The following CTDSPL2 variants were observed in gnomAD, a reference collection of about 807,000 sequenced individuals.
CTDSPL2 encodes CTD small phosphatase-like protein 2.
CTDSPL2 carries 5 observed loss-of-function variants against 60.0 expected under a neutral mutation model. The observed-to-expected ratio is 0.08, with a 90% CI of 0.04 to 0.18. CTDSPL2 has a LOEUF of 0.18. Ranked by LOEUF, CTDSPL2 falls within the 10% of genes least tolerant of loss-of-function variation. CTDSPL2 has a pLI of 1.00. For synonymous variants in CTDSPL2, 186 were observed against 189.3 expected (o/e 0.98, Z 0.14); for missense variants, 370 against 548.8 (o/e 0.67, Z 3.26).
intron 1 of CTDSPL2, among the ~76,000 whole-genome samples, chr15:44,428,926 T>C (rs1034658672): frequency 6.6e-6 from 1 of 152,180 alleles, no homozygotes; most frequent in Non-Finnish European, 1.5e-5. Context: ...TAAAGAGAAG[T>C]AATAAGGAGG....
At chr15:44,438,341 A>G (rs2080019092) in intron 1 of CTDSPL2, among the ~76,000 whole-genome samples, 1 of 152,262 alleles carries the variant, frequency 6.6e-6, no homozygotes, top group East Asian at 1.9e-4. Flanking sequence ...TTTCATATGC[A>G]ATGCTAGAGT....
chr15:44,497,254 A>G (rs2081315378), intron 7 of CTDSPL2, 116 bp downstream of exon 7: 1 of 578,618 alleles, frequency 1.7e-6, no homozygotes, highest in East Asian at 2.9e-5. Flanking sequence ...TGAAGGACCA[A>G]AAATAATTTG....
At position 44,524,335 on chromosome 15, in the gene CTDSPL2, CTT is replaced by C; in HGVS notation, c.*163_*164del. 1 of 622,290 alleles carries C rather than the reference CTT, an allele frequency of 1.6e-6. No homozygotes were observed. Among genetic ancestry groups the C allele is most frequent in the South Asian group, 1.9e-5 (1 of 52,526 alleles). The allele number at this position is 622,290 out of a possible 1,614,324, so 38.5% of individuals were successfully genotyped here. Reference sequence around the variant, plus strand: ...AATAATTAAGGGTTACAGAAAGAGACTTTATCTATCTCAGATCGAATACATAT... The same window carrying C: ...AATAATTAAGGGTTACAGAAAGAGACTATCTATCTCAGATCGAATACATAT... On this transcript the variant is annotated 3_prime_UTR_variant, in exon 13 of 13. Coordinates refer to ENST00000260327, the MANE Select transcript of CTDSPL2 (RefSeq NM_016396.3).
chr15:44,447,420 CG>C (rs1284420664), intron 1 of CTDSPL2, among the ~76,000 whole-genome samples: 2 of 152,044 alleles, frequency 1.3e-5, no homozygotes, highest in African/African-American at 2.4e-5. Flanking sequence ...TCAATGCAAA[CG>C]TTCAAATAGA....
In CTDSPL2 at chr15:44,525,418, TC is replaced by T; in HGVS notation, c.*1246del. On this transcript the variant is annotated 3_prime_UTR_variant, in exon 13 of 13. Coordinates refer to ENST00000260327, the MANE Select transcript of CTDSPL2 (RefSeq NM_016396.3). ...GATATTTTTATAGTGGCGTGTAATCTCCTTTTCGGGAGGCTTTTTATGGAAG... is the reference window on the plus strand; with the variant it reads ...GATATTTTTATAGTGGCGTGTAATCTCTTTTCGGGAGGCTTTTTATGGAAG... The T allele has an allele frequency of 2.5e-6, 1 of 398,926 alleles. No homozygotes were observed. The highest frequency in any genetic ancestry group is 3.6e-5 in the East Asian group (1 of 28,076). 24.7% of individuals were successfully genotyped at this position (398,926 alleles called of 1,614,324 possible).
chr15:44,523,435 CATACATACAT>C (rs1328155245), intron 12 of CTDSPL2, among the ~76,000 whole-genome samples: 21 of 132,864 alleles, frequency 1.6e-4, no homozygotes, highest in Admixed American at 6.0e-4. Flanking sequence ...TACATACATA[CATACATACAT>C]AAGCAAGCAA....
chr15:44,459,674 T>G (rs768848935), intron 2 of CTDSPL2, among the ~76,000 whole-genome samples: 21 of 152,220 alleles, frequency 1.4e-4, no homozygotes, highest in Admixed American at 4.6e-4. Context: ...AAGAACATTA[T>G]TCCACTGAAC....
At chr15:44,453,391 A>C (rs2080368763) in intron 1 of CTDSPL2, among the ~76,000 whole-genome samples, 1 of 151,966 alleles carries the variant, frequency 6.6e-6, no homozygotes, top group Admixed American at 6.6e-5. Flanking sequence ...GCATTAATTG[A>C]GATGATCATG....
At chr15:44,451,024 A>G (rs952459608) in intron 1 of CTDSPL2, among the ~76,000 whole-genome samples, 2 of 152,180 alleles carry the variant, frequency 1.3e-5, no homozygotes, top group Admixed American at 6.6e-5. Flanking sequence ...CAAGCAGACT[A>G]ATATACCCAC....
chr15:44,501,414 C>T lies in CTDSPL2; in HGVS notation c.969+1601C>T, dbSNP rs531881542. Reference sequence around the variant, plus strand: ...AAATTTGATTCTTCCCTTTCATGAGCGTTTCTCTTCAGTATGATCATAAAA... The same window carrying T: ...AAATTTGATTCTTCCCTTTCATGAGTGTTTCTCTTCAGTATGATCATAAAA... On this transcript the variant is annotated intron_variant, in intron 8 of 12. Transcript: ENST00000260327. Among the ~76,000 whole-genome samples the T allele has an allele frequency of 1.7e-3, 258 of 152,064 alleles. 1 individual carries two copies. Among genetic ancestry groups the T allele is most frequent in the African/African-American group, 6.0e-3 (249 of 41,508 alleles).
intron 1 of CTDSPL2, among the ~76,000 whole-genome samples, chr15:44,444,940 C>T (rs1394919997): frequency 6.7e-6 from 1 of 148,674 alleles, no homozygotes; most frequent in Non-Finnish European, 1.5e-5. Context: ...CTCCACCTCC[C>T]GGGTTCACAC....
intron 5 of CTDSPL2, among the ~76,000 whole-genome samples, chr15:44,492,219 C>T (rs2081227937): frequency 6.6e-6 from 1 of 152,014 alleles, no homozygotes; most frequent in Admixed American, 6.6e-5. Flanking sequence ...GCCTGTAGTC[C>T]TAATTACTCA....
At position 44,527,309 on chromosome 15, in the gene CTDSPL2, T is replaced by G. The variant is rs991483685; in HGVS notation, c.*3135T>G. The G allele has an allele frequency of 3.9e-5, 6 of 152,574 alleles. No individual in the cohort carries two copies. The highest frequency in any genetic ancestry group is 3.9e-4 in the Admixed American group (6 of 15,270). 9.5% of individuals were successfully genotyped at this position (152,574 alleles called of 1,614,324 possible). On this transcript the variant is annotated 3_prime_UTR_variant, in exon 13 of 13. Coordinates refer to ENST00000260327, the MANE Select transcript of CTDSPL2 (RefSeq NM_016396.3). ...TTTCCAAGGGTTAACATAGAATGTT[T>G]TTTTTAAAAAATTATCTTTGGCCAA...
chr15:44,473,453 G>A (rs1400683774), intron 2 of CTDSPL2, among the ~76,000 whole-genome samples: 2 of 151,900 alleles, frequency 1.3e-5, no homozygotes, highest in East Asian at 1.9e-4. Context: ...CCGCCACCAC[G>A]CCCAGCTAAT....
At chr15:44,456,853 C>CT (rs757528266) in intron 1 of CTDSPL2, among the ~76,000 whole-genome samples, 3,939 of 103,898 alleles carry the variant, frequency 0.038, 107 homozygotes, top group African/African-American at 0.095. Flanking sequence ...AGTTTTAGAT[C>CT]TTTTTTTTTT....
rs540062324 is a variant in CTDSPL2, at chr15:44,469,624, T to C, written c.186+10424T>C. Among the ~76,000 whole-genome samples the C allele has an allele frequency of 2.0e-5, 3 of 152,344 alleles. No homozygotes were observed. The South Asian group carries it at 6.2e-4, about 32-fold the overall frequency. On this transcript the variant is annotated intron_variant, in intron 2 of 12. Coordinates refer to ENST00000260327, the MANE Select transcript of CTDSPL2 (RefSeq NM_016396.3). ...TGATTTCTTTGGTATTTTTTGGTAC[T>C]TACTAGCACATATTCTATCTTGTTG...
intron 8 of CTDSPL2, 66 bp downstream of exon 8, chr15:44,499,879 A>AT (rs1227560745): frequency 6.5e-5 from 57 of 872,002 alleles, no homozygotes; most frequent in East Asian, 1.2e-4. Flanking sequence ...AAACTTTTGT[A>AT]TTTTTTTTGT....
chr15:44,522,363 CATT>C (rs1215814433), intron 12 of CTDSPL2, among the ~76,000 whole-genome samples: 6 of 152,088 alleles, frequency 3.9e-5, no homozygotes, highest in African/African-American at 1.4e-4. Flanking sequence ...ATTATATTAA[CATT>C]ATGCTTATCA....
intron 1 of CTDSPL2, among the ~76,000 whole-genome samples, chr15:44,432,874 G>C (rs988782959): frequency 6.6e-6 from 1 of 151,662 alleles, no homozygotes; most frequent in Non-Finnish European, 1.5e-5. Flanking sequence ...CACCTGCCTC[G>C]GTCTCCCAAA....
Sources: gnomAD v4.1 joint callset for allele counts (sites outside exome capture counted in the v4.1 genomes callset) on GRCh38, gnomAD v4.1.1 for gene constraint, MANE v1.5 for transcripts, NCBI Gene and HGNC (gene_info 2026-07-23, HGNC 2026-07-21) for gene names.